The following ANXA8 variants were observed in gnomAD, a reference collection of about 807,000 sequenced individuals.
The protein encoded by ANXA8 is VAC-beta.
A neutral mutation model predicts 26.8 loss-of-function variants in ANXA8; 9 were observed. That is an observed-to-expected ratio of 0.34 (90% CI 0.20 to 0.59). The LOEUF (loss-of-function observed/expected upper bound fraction) is 0.59, where lower values mean the gene tolerates loss of function less well. ANXA8 is among the 20% of genes least tolerant of loss of function. The probability of loss-of-function intolerance (pLI) is 0.84; values close to 1 mark genes in which losing one functional copy is unlikely to be tolerated. For missense variants in ANXA8, 83 were observed against 238.5 expected (o/e 0.35, Z 4.29); for synonymous variants, 39 against 94.8 (o/e 0.41, Z 3.42).
chr10:47,563,735 T>A, the ANXA8 span: 13 of 835,716 alleles, frequency 1.6e-5, no homozygotes, highest in Non-Finnish European at 1.7e-5. Flanking sequence ...GGAAATATGT[T>A]TACAAACATG....
chr10:47,599,788 A>C, the ANXA8 span: 3 of 150,308 alleles, frequency 2.0e-5, no homozygotes, highest in African/African-American at 7.6e-5. Context: ...TTACATTTAC[A>C]CGGGGCTACG....
At chr10:47,618,903 G>A in the ANXA8 span, among the ~76,000 whole-genome samples, 6 of 114,902 alleles carry the variant, frequency 5.2e-5, 1 homozygote, top group African/African-American at 2.0e-4. Flanking sequence ...ACCTTTCTTT[G>A]ATTACTGTAA....
At chr10:47,937,444 C>T in the ANXA8 span, among the ~76,000 whole-genome samples, 11 of 149,588 alleles carry the variant, frequency 7.4e-5, no homozygotes, top group East Asian at 3.9e-4. Flanking sequence ...TTTTATTTTA[C>T]TTAAACATTT....
chr10:47,530,171 A>G, the ANXA8 span, among the ~76,000 whole-genome samples: 2 of 139,880 alleles, frequency 1.4e-5, 1 homozygote, highest in Non-Finnish European at 3.1e-5. Context: ...TATCCTGTAA[A>G]CATTGTCTTG....
At chr10:47,679,420 T>C in the ANXA8 span, among the ~76,000 whole-genome samples, 2 of 152,194 alleles carry the variant, frequency 1.3e-5, no homozygotes, top group Non-Finnish European at 2.9e-5. Context: ...GGCAACATAG[T>C]GATACCCCTA....
the ANXA8 span, among the ~76,000 whole-genome samples, chr10:47,550,050 G>A: frequency 3.3e-5 from 5 of 151,916 alleles, no homozygotes; most frequent in South Asian, 6.2e-4. Context: ...CTGGGAGGTT[G>A]AGGCTGCAGT....
chr10:47,941,584 A>G, the ANXA8 span, among the ~76,000 whole-genome samples: 1 of 147,060 alleles, frequency 6.8e-6, no homozygotes, highest in Non-Finnish European at 1.5e-5. Flanking sequence ...AACCCTCTGC[A>G]GTCAGCCAAG....
chr10:47,521,890 C>G, the ANXA8 span, among the ~76,000 whole-genome samples: 1 of 149,774 alleles, frequency 6.7e-6, no homozygotes, highest in Non-Finnish European at 1.5e-5. Flanking sequence ...AAGCAATTCT[C>G]CCGCCTCAGC....
At chr10:47,506,484 C>A in the ANXA8 span, among the ~76,000 whole-genome samples, 5 of 138,962 alleles carry the variant, frequency 3.6e-5, no homozygotes, top group Non-Finnish European at 7.7e-5. Context: ...GCATGCACCA[C>A]CACGCCCAGC....
chr10:47,682,469 C>CTTTCTTTTTTTTTTTTTTTTTTTTTTTTT, the ANXA8 span, among the ~76,000 whole-genome samples: 1 of 121,652 alleles, frequency 8.2e-6, no homozygotes, highest in Non-Finnish European at 1.7e-5. Context: ...CTTTCTTTTT[C>CTTTCTTTTTTTTTTTTTTTTTTTTTTTTT]TTTTTTTTTT....
chr10:47,767,821 G>GAA, the ANXA8 span, among the ~76,000 whole-genome samples: 2 of 150,500 alleles, frequency 1.3e-5, no homozygotes, highest in Non-Finnish European at 3.0e-5. Flanking sequence ...CTAAGTCTGG[G>GAA]GCCATGGAAA....
At chr10:47,643,534 A>G in the ANXA8 span, among the ~76,000 whole-genome samples, 3 of 116,468 alleles carry the variant, frequency 2.6e-5, no homozygotes, top group South Asian at 9.8e-4. Flanking sequence ...ATAAAAATCA[A>G]TCAATCAATC....
the ANXA8 span, among the ~76,000 whole-genome samples, chr10:47,556,301 A>G: frequency 6.6e-5 from 10 of 151,894 alleles, no homozygotes; most frequent in South Asian, 4.2e-4. Context: ...CTCAAATATC[A>G]CCTAGACTTG....
At chr10:47,597,304 C>T in the ANXA8 span, among the ~76,000 whole-genome samples, 1 of 149,212 alleles carries the variant, frequency 6.7e-6, no homozygotes, top group Non-Finnish European at 1.5e-5. Flanking sequence ...CTACGTTATA[C>T]TAAACAGGCA....
the ANXA8 span, chr10:47,599,848 T>C: frequency 2.7e-5 from 4 of 150,028 alleles, no homozygotes; most frequent in Admixed American, 1.3e-4. Flanking sequence ...ACACGCACTG[T>C]TGGGTGCAAA....
chr10:47,502,428 G>C, the ANXA8 span: 2 of 1,611,254 alleles, frequency 1.2e-6, no homozygotes, highest in Non-Finnish European at 1.7e-6. Context: ...ATTTGGAACG[G>C]ATCCACCATT....
At chr10:47,679,199 AAAAAAG>A in the ANXA8 span, among the ~76,000 whole-genome samples, 1 of 150,366 alleles carries the variant, frequency 6.7e-6, no homozygotes, top group Non-Finnish European at 1.5e-5. Context: ...CAATTTCCTT[AAAAAAG>A]AAAAAGAAAC....
At chr10:47,487,337 T>A, upstream of ANXA8, 1 of 763,728 alleles carries the variant, frequency 1.3e-6, no homozygotes, top group South Asian at 1.9e-5. Context: ...ACTGTGTTGG[T>A]CACTGTCTCG....
the ANXA8 span, among the ~76,000 whole-genome samples, chr10:47,942,089 T>C: frequency 6.8e-6 from 1 of 147,526 alleles, no homozygotes; most frequent in Non-Finnish European, 1.5e-5. Flanking sequence ...AATGCACTTA[T>C]ACATTCACAG....
Sources: gnomAD v4.1 joint callset for allele counts (sites outside exome capture counted in the v4.1 genomes callset) on GRCh38, gnomAD v4.1.1 for gene constraint, MANE v1.5 for transcripts, NCBI Gene and HGNC (gene_info 2026-07-23, HGNC 2026-07-21) for gene names.